CTBP2: variants seen among roughly 807,000 people sequenced by gnomAD.
CTBP2 encodes C-terminal binding protein 2, also known as C-terminal-binding protein 2.
CTBP2 carries 30 observed loss-of-function variants against 80.3 expected under a neutral mutation model. That is an observed-to-expected ratio of 0.37 (90% CI 0.28 to 0.51). The LOEUF is 0.51. Among genes scored for constraint, CTBP2 ranks in the 20% least tolerant of loss-of-function variants. The pLI, the probability that CTBP2 is intolerant of heterozygous loss-of-function variation, is 0.93. For missense variants in CTBP2, 1,212 were observed against 1,375.3 expected (o/e 0.88, Z 1.88); for synonymous variants, 594 against 587.4 (o/e 1.01, Z -0.16).
chr10:125,010,345 A>G (rs1013076752), intron 1 of CTBP2, among the ~76,000 whole-genome samples: 3 of 152,036 alleles, frequency 2.0e-5, no homozygotes, highest in African/African-American at 4.8e-5. Flanking sequence ...AGCTCTCCCA[A>G]TGCTGCGTCC....
intron 3 of CTBP2, chr10:124,999,950 C>G (rs1954219935): frequency 6.6e-6 from 1 of 152,216 alleles, no homozygotes; most frequent in Admixed American, 6.5e-5. Context: ...CTCGGCAGTG[C>G]TGCCTGGCGT....
At chr10:125,065,437 A>C (rs950302244) in intron 2 of CTBP2, among the ~76,000 whole-genome samples, 1 of 152,196 alleles carries the variant, frequency 6.6e-6, no homozygotes, top group African/African-American at 2.4e-5. Flanking sequence ...ACTTCAGCAA[A>C]ATAAAGGGAA....
upstream of CTBP2, chr10:125,161,219 G>C (rs991219941): frequency 6.6e-6 from 1 of 152,056 alleles, no homozygotes; most frequent in African/African-American, 2.4e-5. Context: ...CGCGGCGGGC[G>C]GGAGGGCCAG....
At chr10:125,047,388 A>G (rs1961527052) in intron 2 of CTBP2, among the ~76,000 whole-genome samples, 1 of 152,264 alleles carries the variant, frequency 6.6e-6, no homozygotes, top group Non-Finnish European at 1.5e-5. Context: ...TGGTTCCACC[A>G]GAAAACTCAT....
At chr10:125,159,676 G>A (rs1370380232) in intron 1 of CTBP2, among the ~76,000 whole-genome samples, 1 of 149,586 alleles carries the variant, frequency 6.7e-6, no homozygotes, top group East Asian at 2.0e-4. Context: ...AGCCGCTCAC[G>A]CCCCGACTTC....
chr10:125,106,256 G>A (rs993460247), intron 2 of CTBP2, among the ~76,000 whole-genome samples: 2 of 143,170 alleles, frequency 1.4e-5, no homozygotes, highest in Non-Finnish European at 3.0e-5. Context: ...ACAACCCTGG[G>A]TGTGGGGACG....
intron 2 of CTBP2, among the ~76,000 whole-genome samples, chr10:125,055,176 G>A (rs1963627296): frequency 6.6e-6 from 1 of 152,192 alleles, no homozygotes; most frequent in Non-Finnish European, 1.5e-5. Context: ...AGTGGTCCTT[G>A]AACTGCAGCT....
rs530417377 is a variant in CTBP2 at position 125,131,252 on chromosome 10, C to G, written c.-205-20159G>C. Among the ~76,000 whole-genome samples, 3 of 152,292 alleles carry G rather than the reference C, an allele frequency of 2.0e-5. No individual in the cohort carries two copies. The South Asian group carries it at 6.2e-4, about 32-fold the overall frequency. On this transcript the variant is annotated intron_variant, in intron 1 of 10. Coordinates refer to the CTBP2 transcript ENST00000337195. ...ACTCACATTCCCAGAAGCAGAAGAT[C>G]AGGAGCGTCTTCATGGCTGCCACAC...
chr10:125,000,394 C>G (rs1457877959), intron 3 of CTBP2: 1 of 152,250 alleles, frequency 6.6e-6, no homozygotes, highest in South Asian at 2.1e-4. Flanking sequence ...GCTGGGCCTC[C>G]CAGCATCCAC....
rs78159028 is a variant in CTBP2 at position 124,987,196 on chromosome 10, G to C, written c.*2322C>G. ...CAGCCATAATTATTGTCCCAAGATA[G>C]AATATAGTCCTTTTTCAAAGATGAT... On this transcript the variant is annotated 3_prime_UTR_variant, in exon 9 of 9. Transcript: ENST00000309035. The C allele has an allele frequency of 0.037, 5,666 of 152,544 alleles. 198 individuals are homozygous for C. Among genetic ancestry groups the C allele is most frequent in the Non-Finnish European group, 0.048 (3,281 of 67,984 alleles). The allele number at this position is 152,544 out of a possible 1,614,324, so 9.4% of individuals were successfully genotyped here.
At chr10:125,003,259 G>A (rs1160779235) in intron 2 of CTBP2, 79 bp downstream of exon 4, 12 of 1,588,372 alleles carry the variant, frequency 7.6e-6, no homozygotes, top group Non-Finnish European at 1.0e-5. Flanking sequence ...CCGGTGACTT[G>A]GGGCGATCTA....
chr10:125,161,437 C>A (rs1402774713), upstream of CTBP2, among the ~76,000 whole-genome samples: 2 of 151,842 alleles, frequency 1.3e-5, no homozygotes, highest in African/African-American at 4.8e-5. Flanking sequence ...GGCCCCGGTC[C>A]CATGGGGCCC....
intron 2 of CTBP2, 110 bp downstream of exon 4, chr10:125,003,228 G>A: frequency 2.5e-6 from 4 of 1,581,518 alleles, no homozygotes; most frequent in Non-Finnish European, 3.4e-6. Context: ...GGAAAGCAGG[G>A]AACAGGGGTT....
chr10:125,145,730 T>A (rs1858650371), intron 1 of CTBP2, among the ~76,000 whole-genome samples: 1 of 152,066 alleles, frequency 6.6e-6, no homozygotes. Context: ...ATAATAATGG[T>A]AACAAACAGC....
chr10:125,151,192 G>A (rs1051615873), intron 1 of CTBP2, among the ~76,000 whole-genome samples: 1 of 152,104 alleles, frequency 6.6e-6, no homozygotes, highest in African/African-American at 2.4e-5. Context: ...AAAACATAGA[G>A]GCGAACACAG....
At position 125,026,032 on chromosome 10, in the gene CTBP2, C is replaced by A; in HGVS notation, c.1678+50G>T. On this transcript the variant is annotated intron_variant, in intron 1 of 8. Coordinates refer to ENST00000309035, the MANE Select transcript of CTBP2 (RefSeq NM_022802.3). ...TTCAAACTTCTACAACCCCGCACCC[C>A]CCTGCTCCCCCCAGGTCCCCAGGCA... 5 of 1,528,890 alleles carry A rather than the reference C, an allele frequency of 3.3e-6. No homozygotes were observed. The South Asian group carries it at 6.4e-5, about 20-fold the overall frequency. 94.7% of individuals were successfully genotyped at this position (1,528,890 alleles called of 1,614,324 possible). A position where few individuals can be genotyped will look rare whatever the true frequency, so the allele number is the denominator to read the frequency against.
intron 2 of CTBP2, among the ~76,000 whole-genome samples, chr10:125,055,725 C>T (rs1310483232): frequency 1.3e-5 from 2 of 152,088 alleles, no homozygotes; most frequent in Non-Finnish European, 2.9e-5. Flanking sequence ...GCCAGACTAG[C>T]ATGTAAAATC....
rs910353860 is a variant in CTBP2 at position 125,066,371 on chromosome 10, G to A, written c.-101-27216C>T. 6.6e-6 allele frequency among the ~76,000 whole-genome samples: 1 copy of A among 152,118 alleles called. No individual in the cohort carries two copies. Among genetic ancestry groups the A allele is most frequent in the Non-Finnish European group, 1.5e-5 (1 of 68,020 alleles). ...AATCGGGAAAACATCAAGTCAGAAC[G>A]TCCCGTGCCTTCTAAGCAGTCAGGT... On this transcript the variant is annotated intron_variant, in intron 2 of 10. Coordinates refer to the CTBP2 transcript ENST00000337195. This position sits in a 1 kb window ranked among gnomAD's most constrained non-coding sequence, Gnocchi z 4.1.
At chr10:125,033,578 CGCGCAGAA>C (rs1958497976) in intron 3 of CTBP2, among the ~76,000 whole-genome samples, 1 of 152,150 alleles carries the variant, frequency 6.6e-6, no homozygotes, top group Non-Finnish European at 1.5e-5. Flanking sequence ...CTGTGTGAAG[CGCGCAGAA>C]GGTTCTCCGC....
Sources: allele counts gnomAD v4.1 joint callset (sites outside exome capture counted in the v4.1 genomes callset), GRCh38; gene constraint gnomAD v4.1.1; non-coding constraint Gnocchi (gnomAD v3.1); transcripts MANE v1.5; gene names NCBI Gene and HGNC (gene_info 2026-07-23, HGNC 2026-07-21).